The following COL9A1 variants were observed in gnomAD, a reference collection of about 807,000 sequenced individuals.
COL9A1 encodes the protein collagen alpha-1(IX) chain.
Under a neutral mutation model 142.6 loss-of-function variants are expected in COL9A1, and 104 were observed. The ratio of observed to expected loss-of-function variants is 0.73; its 90% CI spans 0.62 to 0.86. COL9A1 has a LOEUF of 0.86. Among genes scored for constraint, COL9A1 ranks in the 40% least tolerant of loss-of-function variants. COL9A1 has a pLI of 0.00. For synonymous variants in COL9A1, 466 were observed against 396.0 expected (o/e 1.18, Z -2.10); for missense variants, 1,210 against 1,176.6 (o/e 1.03, Z -0.42).
intron 5 of COL9A1, among the ~76,000 whole-genome samples, chr6:70,287,383 T>G (rs900338087): frequency 3.9e-5 from 6 of 152,168 alleles, no homozygotes; most frequent in African/African-American, 1.4e-4. Context: ...GGGGAAAGCT[T>G]CCTTGATTTA....
At chr6:70,262,340 A>C (rs1482170115) in intron 19 of COL9A1, among the ~76,000 whole-genome samples, 5 of 152,160 alleles carry the variant, frequency 3.3e-5, no homozygotes, top group Admixed American at 2.6e-4. Context: ...AGCAGAGACC[A>C]TTTCTTCCAG....
chr6:70,280,608 G>C (rs1243268153), intron 10 of COL9A1: 1 of 1,295,230 alleles, frequency 7.7e-7, no homozygotes, highest in African/African-American at 1.5e-5. Flanking sequence ...GCCTCCTAGA[G>C]AGAGGTATCC....
At chr6:70,299,374 T>C (rs1352171083) in intron 4 of COL9A1, among the ~76,000 whole-genome samples, 2 of 152,176 alleles carry the variant, frequency 1.3e-5, no homozygotes, top group East Asian at 3.8e-4. Context: ...ATATAATAAT[T>C]ATCATAATCA....
intron 19 of COL9A1, among the ~76,000 whole-genome samples, chr6:70,262,610 T>G (rs926868921): frequency 2.0e-5 from 3 of 152,218 alleles, no homozygotes; most frequent in African/African-American, 4.8e-5. Flanking sequence ...AAAATTGTCA[T>G]TACTCATTTT....
chr6:70,294,458 A>G lies in COL9A1; in HGVS notation c.405T>C (p.Asp135=), dbSNP rs1411396687. The change falls in exon 5 of 38, where the codon GAT becomes GAC. Residue 135 remains aspartate (D), a synonymous_variant. Coordinates refer to ENST00000357250, the MANE Select transcript of COL9A1 (RefSeq NM_001851.6). ...TGCCAACTTGCTCCTTCCCAGAGGA[A>G]TCCTGAATCTGCCAAATGTTCCAGT... ...KKNWNIWQIQ[D]SSGKEQVGIK... The G allele has an allele frequency of 6.2e-7, 1 of 1,614,004 alleles. No individual in the cohort carries two copies. The highest frequency in any genetic ancestry group is 8.5e-7 in the Non-Finnish European group (1 of 1,179,992).
At chr6:70,270,720 G>A (rs1004874156) in intron 14 of COL9A1, among the ~76,000 whole-genome samples, 3 of 152,152 alleles carry the variant, frequency 2.0e-5, no homozygotes, top group Non-Finnish European at 2.9e-5. Flanking sequence ...AACCTATACT[G>A]CTAGTGCCAT....
intron 9 of COL9A1, 21 bp from the exon 10 acceptor site, chr6:70,280,895 G>C: frequency 1.2e-6 from 2 of 1,613,134 alleles, no homozygotes; most frequent in Non-Finnish European, 8.5e-7. Flanking sequence ...GCAGAAGGGT[G>C]CGGGGGCAGG....
chr6:70,246,545 C>A (rs1770621315), intron 28 of COL9A1, among the ~76,000 whole-genome samples: 1 of 152,108 alleles, frequency 6.6e-6, no homozygotes, highest in Non-Finnish European at 1.5e-5. Flanking sequence ...CATTCCTTAT[C>A]TTTATTTAGC....
intron 5 of COL9A1, 23 bp downstream of exon 5, chr6:70,294,144 A>G: frequency 1.2e-6 from 2 of 1,613,800 alleles, no homozygotes; most frequent in Non-Finnish European, 1.7e-6. Context: ...TTAATCTGCC[A>G]TAGTGTGTGG....
intron 31 of COL9A1, 64 bp downstream of exon 31, chr6:70,241,355 C>T: frequency 7.6e-7 from 1 of 1,320,564 alleles, no homozygotes; most frequent in Non-Finnish European, 1.1e-6. Context: ...AGCCATTCCC[C>T]CTTGCTTGTG....
chr6:70,231,502 G>A (rs946858170), intron 36 of COL9A1, among the ~76,000 whole-genome samples: 5 of 151,986 alleles, frequency 3.3e-5, no homozygotes, highest in Non-Finnish European at 7.4e-5. Flanking sequence ...TTGAATTCAT[G>A]CCAGCCTTAT....
At chr6:70,298,510 T>C (rs1019148828) in intron 4 of COL9A1, among the ~76,000 whole-genome samples, 5 of 152,168 alleles carry the variant, frequency 3.3e-5, no homozygotes, top group Non-Finnish European at 7.4e-5. Flanking sequence ...TAAAACAAGA[T>C]TTTTTAGTCC....
intron 10 of COL9A1, chr6:70,275,128 A>G (rs1399909006): frequency 7.3e-6 from 2 of 273,702 alleles, no homozygotes; most frequent in Non-Finnish European, 1.4e-5. Flanking sequence ...TGGTTCTGCC[A>G]TTTACTCAGG....
rs777161285 is a variant in COL9A1, at chr6:70,252,143, G to A, written c.1849C>T (p.Pro617Ser). Residue 617 changes from proline to serine, a missense_variant, in exon 28 of 38, where the codon CCC (proline) becomes TCC (serine). Physicochemically the swap from Pro to Ser is moderately conservative, Grantham distance 74. Transcript: ENST00000357250. ...GQQGPPGEVG[P>S]RGPQGLPGSR... ...ACAGGAAGCCCCTGGGGTCCTCGGGGTCCCACCTCTCCTGGAGGCCCCTGT... is the reference window on the plus strand; with the variant it reads ...ACAGGAAGCCCCTGGGGTCCTCGGGATCCCACCTCTCCTGGAGGCCCCTGT... The A allele has an allele frequency of 4.3e-6, 7 of 1,614,156 alleles. No homozygotes were observed. Among genetic ancestry groups the A allele is most frequent in the Non-Finnish European group, 5.9e-6 (7 of 1,180,014 alleles).
At chr6:70,230,838 G>A (rs9455010) in intron 36 of COL9A1, among the ~76,000 whole-genome samples, 6,572 of 152,324 alleles carry the variant, frequency 0.043, 255 homozygotes, top group East Asian at 0.11. Context: ...CAATTCCAGT[G>A]TGCAGGCAAG....
At chr6:70,230,330 TCCCTACCTCCAC>T (rs1769467745) in intron 36 of COL9A1, among the ~76,000 whole-genome samples, 1 of 151,948 alleles carries the variant, frequency 6.6e-6, no homozygotes, top group Admixed American at 6.6e-5. Context: ...TAATTACCGC[TCCCTACCTCCAC>T]CCCAAATTCT....
chr6:70,298,386 C>A (rs765283586), intron 4 of COL9A1, among the ~76,000 whole-genome samples: 2 of 152,186 alleles, frequency 1.3e-5, no homozygotes, highest in South Asian at 2.1e-4. Context: ...TTACTGTTTA[C>A]TTGGAATTCC....
At chr6:70,270,948 G>A (rs1772360932) in intron 14 of COL9A1, among the ~76,000 whole-genome samples, 1 of 152,184 alleles carries the variant, frequency 6.6e-6, no homozygotes, top group South Asian at 2.1e-4. Flanking sequence ...AACATCCAAT[G>A]TTTACTCTTG....
chr6:70,221,550 C>T (rs1036599056), intron 37 of COL9A1, among the ~76,000 whole-genome samples: 1 of 152,164 alleles, frequency 6.6e-6, no homozygotes. Flanking sequence ...GCAAAGCTCA[C>T]CTTTCTGTGG....
Sources: allele counts gnomAD v4.1 joint callset (sites outside exome capture counted in the v4.1 genomes callset), GRCh38; gene constraint gnomAD v4.1.1; transcripts MANE v1.5; gene names NCBI Gene and HGNC (gene_info 2026-07-23, HGNC 2026-07-21).